CAMK1D: variants seen among roughly 807,000 people sequenced by gnomAD.
CAMK1D encodes the protein calcium/calmodulin-dependent protein kinase type 1D.
In CAMK1D, 9 loss-of-function variants were observed where a neutral mutation model predicts 47.7. The observed-to-expected ratio is 0.19, with a 90% CI of 0.11 to 0.33. The LOEUF (loss-of-function observed/expected upper bound fraction) is 0.33. Among genes scored for constraint, CAMK1D ranks in the 10% least tolerant of loss-of-function variants. CAMK1D has a pLI of 1.00. For synonymous variants in CAMK1D, 184 were observed against 184.9 expected (o/e 0.99, Z 0.04); for missense variants, 291 against 488.7 (o/e 0.60, Z 3.81).
chr10:12,668,668 C>T (rs895451346), intron 3 of CAMK1D, among the ~76,000 whole-genome samples: 2 of 152,202 alleles, frequency 1.3e-5, no homozygotes, highest in Admixed American at 1.3e-4. Flanking sequence ...ATCACTATGC[C>T]TCTACAGATG....
At chr10:12,763,702 G>T (rs1006938608) in intron 4 of CAMK1D, among the ~76,000 whole-genome samples, 1 of 152,214 alleles carries the variant, frequency 6.6e-6, no homozygotes, top group African/African-American at 2.4e-5. Context: ...AGAATCACTG[G>T]AGTAGGAATG....
intron 3 of CAMK1D, among the ~76,000 whole-genome samples, chr10:12,740,012 T>A (rs1374131693): frequency 6.6e-6 from 1 of 152,238 alleles, no homozygotes; most frequent in African/African-American, 2.4e-5. Context: ...ATTTCCTACC[T>A]TGTAAAAATA....
chr10:12,675,159 C>T (rs1024050197), intron 3 of CAMK1D, among the ~76,000 whole-genome samples: 1 of 151,844 alleles, frequency 6.6e-6, no homozygotes, highest in African/African-American at 2.4e-5. Flanking sequence ...TGATACAATG[C>T]AAAGGATAAA....
Position 12,722,170 on chromosome 10 carries a change from G to A in CAMK1D, c.300-38778G>A, listed in dbSNP as rs577800420. On this transcript the variant is annotated intron_variant, in intron 3 of 10. Transcript: ENST00000619168. ...ACTTTAAGATAACTCCAGGCTGGGC[G>A]CGGTGGCTCACGCCTGTAATCCCAG... Among the ~76,000 whole-genome samples the A allele has an allele frequency of 1.2e-4, 19 of 152,150 alleles. No homozygotes were observed. In the East Asian group the frequency reaches 1.5e-3, roughly 12 times the overall value.
chr10:12,497,724 C>G (rs1194572154), intron 1 of CAMK1D, among the ~76,000 whole-genome samples: 1 of 151,992 alleles, frequency 6.6e-6, no homozygotes, highest in Non-Finnish European at 1.5e-5. Flanking sequence ...GCCTTGGAAG[C>G]AGCAAGAAAG....
At chr10:12,407,783 C>G (rs58576742) in intron 1 of CAMK1D, among the ~76,000 whole-genome samples, 28,325 of 151,994 alleles carry the variant, frequency 0.19, 2,841 homozygotes, top group Middle Eastern at 0.29. Context: ...GTACTTCCCC[C>G]CCGGGAAACA....
chr10:12,423,985 T>TG (rs1008765161), intron 1 of CAMK1D, among the ~76,000 whole-genome samples: 9 of 152,122 alleles, frequency 5.9e-5, no homozygotes, highest in Non-Finnish European at 1.2e-4. Flanking sequence ...CCTCATCAGG[T>TG]GATACCCTTC....
In CAMK1D at chr10:12,630,392, A is replaced by AT. The variant is rs1839345646; in HGVS notation, c.225-36344_225-36343insT. On this transcript the variant is annotated intron_variant, in intron 2 of 10. Transcript: ENST00000619168. ...TTCTTTCTTTTTTTTTTTTTTTAAA[A>AT]AAAAGACAGGATCTCACTCAGTAGC... Among the ~76,000 whole-genome samples, 3 of 146,562 alleles carry AT rather than the reference A, an allele frequency of 2.0e-5. No homozygotes were observed. The East Asian group carries it at 6.0e-4, about 29-fold the overall frequency.
At chr10:12,467,379 C>T (rs1833623422) in intron 1 of CAMK1D, among the ~76,000 whole-genome samples, 1 of 152,100 alleles carries the variant, frequency 6.6e-6, no homozygotes, top group Non-Finnish European at 1.5e-5. Flanking sequence ...TCTTGAACCG[C>T]TGGCCTCAAG....
chr10:12,467,867 A>T (rs1002107098), intron 1 of CAMK1D, among the ~76,000 whole-genome samples: 1 of 152,142 alleles, frequency 6.6e-6, no homozygotes, highest in Admixed American at 6.5e-5. Context: ...TTTAAATGGA[A>T]TTTTTTATTG....
At chr10:12,508,463 G>A (rs1054526369) in intron 1 of CAMK1D, among the ~76,000 whole-genome samples, 1 of 152,202 alleles carries the variant, frequency 6.6e-6, no homozygotes, top group Non-Finnish European at 1.5e-5. Context: ...TTCACAGTAG[G>A]GACAATGGTG....
intron 3 of CAMK1D, among the ~76,000 whole-genome samples, chr10:12,706,290 A>G (rs935674820): frequency 6.6e-6 from 1 of 152,234 alleles, no homozygotes; most frequent in African/African-American, 2.4e-5. Flanking sequence ...AATTGTTTAT[A>G]TGTGGAATTT....
In CAMK1D at chr10:12,761,237, G is replaced by T. The variant is rs1836494956; in HGVS notation, c.438+151G>T. Reference sequence around the variant, plus strand: ...CATTTGTGTACTTTGAGTTGTCAGGGCCTTTGGGATCCAGACCCAGAAGTA... The same window carrying T: ...CATTTGTGTACTTTGAGTTGTCAGGTCCTTTGGGATCCAGACCCAGAAGTA... On this transcript the variant is annotated intron_variant, in intron 4 of 10. Transcript: ENST00000619168. 3.4e-6 allele frequency: 3 copies of T among 878,376 alleles called. No homozygotes were observed. The African/African-American group carries it at 5.0e-5, about 15-fold the overall frequency. 54.4% of individuals were successfully genotyped at this position (878,376 alleles called of 1,614,324 possible). A position where few individuals can be genotyped will look rare whatever the true frequency, so the allele number is the denominator to read the frequency against.
intron 1 of CAMK1D, among the ~76,000 whole-genome samples, chr10:12,382,201 C>G (rs1246810581): frequency 1.3e-5 from 2 of 152,120 alleles, no homozygotes; most frequent in Non-Finnish European, 2.9e-5. Flanking sequence ...AACAGTTGAA[C>G]AACAGTTGTC....
At chr10:12,795,934 T>A (rs1165782220) in intron 6 of CAMK1D, among the ~76,000 whole-genome samples, 1 of 152,214 alleles carries the variant, frequency 6.6e-6, no homozygotes, top group Non-Finnish European at 1.5e-5. Flanking sequence ...CGCTTTGTGA[T>A]AAGCGTGTTG....
chr10:12,464,671 C>G (rs1246765922), intron 1 of CAMK1D, among the ~76,000 whole-genome samples: 1 of 151,942 alleles, frequency 6.6e-6, no homozygotes, highest in African/African-American at 2.4e-5. Context: ...AAAAATTAGC[C>G]GGGTGTGGTG....
chr10:12,734,457 T>TATAC (rs1271782672), intron 3 of CAMK1D, among the ~76,000 whole-genome samples: 9 of 5,108 alleles, frequency 1.8e-3, no homozygotes, highest in African/African-American at 2.1e-3. Context: ...TGTGTATATA[T>TATAC]ACACATACAC....
rs375661168 is a variant in CAMK1D at position 12,601,844 on chromosome 10, T to C, written c.224+48488T>C. Among the ~76,000 whole-genome samples, 23 of 152,348 alleles carry C rather than the reference T, an allele frequency of 1.5e-4. 1 individual carries two copies. The highest frequency in any genetic ancestry group is 1.2e-3 in the Admixed American group (18 of 15,306). ...TTTCTTCTCCCCTGCAGAATCGTCT[T>C]AGCCTCGGTAGCTCGTTTCAGCTCA... On this transcript the variant is annotated intron_variant, in intron 2 of 10. Transcript: ENST00000619168.
At chr10:12,678,393 T>C (rs997535958) in intron 3 of CAMK1D, among the ~76,000 whole-genome samples, 1 of 152,238 alleles carries the variant, frequency 6.6e-6, no homozygotes, top group African/African-American at 2.4e-5. Context: ...TGACACTATT[T>C]TGTGGCCTAA....
Sources: gnomAD v4.1 joint callset for allele counts (sites outside exome capture counted in the v4.1 genomes callset) on GRCh38, gnomAD v4.1.1 for gene constraint, MANE v1.5 for transcripts, NCBI Gene and HGNC (gene_info 2026-07-23, HGNC 2026-07-21) for gene names.